Variants in SHKBP1 observed in about 807,000 individuals in gnomAD.
SHKBP1 encodes SH3KBP1-binding protein 1.
SHKBP1 carries 71 observed loss-of-function variants against 83.9 expected under a neutral mutation model. The ratio of observed to expected loss-of-function variants is 0.85; its 90% CI spans 0.70 to 1.03. The LOEUF (loss-of-function observed/expected upper bound fraction) is 1.03, where lower values mean the gene tolerates loss of function less well. Among genes scored for constraint, SHKBP1 ranks in the 50% least tolerant of loss-of-function variants. The pLI, the probability that SHKBP1 is intolerant of heterozygous loss-of-function variation, is 0.00. For missense variants in SHKBP1, 824 were observed against 982.4 expected, an observed-to-expected ratio of 0.84 and a Z score of 2.16; for synonymous variants, 371 against 398.0, an observed-to-expected ratio of 0.93 and a Z score of 0.81.
chr19:40,583,766 C>A, intron 12 of SHKBP1, 49 bp downstream of exon 12: 1 of 1,427,288 alleles, frequency 7.0e-7, no homozygotes, highest in Non-Finnish European at 9.9e-7. Flanking sequence ...CCAGCCCCAG[C>A]CCCAGCCTGC....
At chr19:40,577,087 G>GCCCC (rs35684786) in intron 1 of SHKBP1, 102 bp downstream of exon 1, 7 of 1,048,874 alleles carry the variant, frequency 6.7e-6, no homozygotes, top group Middle Eastern at 2.9e-4. Flanking sequence ...GGGTTGCTCC[G>GCCCC]CCCCCCCCCC....
Position 40,576,894 on chromosome 19 carries a change from G to T in SHKBP1, c.-6G>T. 6.9e-7 allele frequency: 1 copy of T among 1,455,562 alleles called. No homozygotes were observed. The allele number at this position is 1,455,562 out of a possible 1,614,324, so 90.2% of individuals were successfully genotyped here. ...GGGTGCGGGCCAGCCGGCTCGCCCG[G>T]GGGCCATGGCAGCAGCGGCTACTGC... is the stretch of plus-strand genomic sequence containing the variant. On this transcript the variant is annotated 5_prime_UTR_variant, in exon 1 of 18. Transcript: ENST00000291842.
intron 6 of SHKBP1, among the ~76,000 whole-genome samples, chr19:40,579,335 G>A (rs1568388274): frequency 1.3e-5 from 2 of 152,178 alleles, no homozygotes; most frequent in South Asian, 4.1e-4. Context: ...TAAATACAAA[G>A]TAAACATGAA....
chr19:40,588,600 TC>T (rs1266248816), intron 13 of SHKBP1, 23 bp from the exon 14 acceptor site: 35 of 1,613,866 alleles, frequency 2.2e-5, no homozygotes, highest in Non-Finnish European at 2.8e-5. Flanking sequence ...AGGCCTGACT[TC>T]CTGCTCTCCT....
Position 40,582,401 on chromosome 19 carries a change from C to T in SHKBP1, c.895C>T (p.Gln299Ter). 1.2e-6 allele frequency: 2 copies of T among 1,614,188 alleles called. No homozygotes were observed. The highest frequency in any genetic ancestry group is 1.7e-6 in the Non-Finnish European group (2 of 1,180,030). The change falls in exon 10 of 18, where the codon CAG becomes TAG. Residue 299 changes from glutamine (Q) to a stop codon, truncating the protein, a stop_gained. Coordinates refer to ENST00000291842, the MANE Select transcript of SHKBP1 (RefSeq NM_138392.4). LOFTEE classifies it high-confidence loss of function. ...PVEALFFVGNQLIATSHTGRI... is the reference protein window; with the variant it reads ...PVEALFFVGN The stretch of plus-strand genomic sequence containing the variant: ...GGAGGCCTTGTTCTTCGTCGGGAAC[C>T]AGCTCATTGCTACAAGCCACACAGG...
At chr19:40,588,814 A>T (rs745705061) in intron 14 of SHKBP1, 35 bp downstream of exon 14, 1 of 1,605,594 alleles carries the variant, frequency 6.2e-7, no homozygotes, top group Non-Finnish European at 8.5e-7. Context: ...CACCCCACTG[A>T]CCCCCTTACC....
At position 40,590,189 on chromosome 19, in the gene SHKBP1, G is replaced by A; in HGVS notation, c.1590-55G>A. The A allele has an allele frequency of 6.7e-7, 1 of 1,486,940 alleles. No homozygotes were observed. The highest frequency in any genetic ancestry group is 9.0e-7 in the Non-Finnish European group (1 of 1,115,006). 92.1% of individuals were successfully genotyped at this position (1,486,940 alleles called of 1,614,324 possible). ...ACTGCAGCCACAGTGGTGGGGACTG[G>A]GACGAGGAAGGGTGAGAAAGCGAGG... On this transcript the variant is annotated intron_variant, in intron 15 of 17. Coordinates refer to ENST00000291842, the MANE Select transcript of SHKBP1 (RefSeq NM_138392.4). This position sits in a 1 kb window ranked among gnomAD's most constrained non-coding sequence, Gnocchi z 4.6.
intron 12 of SHKBP1, among the ~76,000 whole-genome samples, chr19:40,586,526 C>G (rs1255616635): frequency 6.6e-6 from 1 of 152,090 alleles, no homozygotes; most frequent in African/African-American, 2.4e-5. Context: ...ACTACCACCA[C>G]CAGCTAATTT....
intron 4 of SHKBP1, 80 bp downstream of exon 4, chr19:40,577,710 G>C: frequency 6.8e-7 from 1 of 1,473,976 alleles, no homozygotes. Flanking sequence ...GAATGTCCAC[G>C]TGAGCTCCAT....
At chr19:40,587,033 G>T (rs549796858) in intron 13 of SHKBP1, 89 bp downstream of exon 13, 12 of 1,267,912 alleles carry the variant, frequency 9.5e-6, no homozygotes, top group African/African-American at 1.5e-5. Flanking sequence ...ACTGGGGAGG[G>T]ACATTGTGTA....
intron 13 of SHKBP1, 45 bp downstream of exon 13, chr19:40,586,989 A>C: frequency 6.6e-7 from 1 of 1,523,688 alleles, no homozygotes; most frequent in Non-Finnish European, 8.9e-7. Context: ...GACAGCTCAG[A>C]TGGGAGTGTG....
rs376777149 is a variant in SHKBP1, at chr19:40,588,818, C to A, written c.1492+39C>A. The A allele has an allele frequency of 1.7e-4, 270 of 1,604,568 alleles. 1 individual carries two copies. Among genetic ancestry groups the A allele is most frequent in the Non-Finnish European group, 2.2e-4 (259 of 1,178,062 alleles). ...CCTGGCCTTCCCACCCCACTGACCC[C>A]CTTACCTGACCCCTGTTGACCTCCG... On this transcript the variant is annotated intron_variant, in intron 14 of 17. Transcript: ENST00000291842.
At position 40,576,923 on chromosome 19, in the gene SHKBP1, C is replaced by G; in HGVS notation, c.24C>G (p.Ala8=). Residue 8 remains alanine (A), a synonymous_variant, in exon 1 of 18, where the codon GCC becomes GCG. Transcript: ENST00000291842. MAAAATA[A]EGVPSRGPPG... is the part of the protein sequence containing the mutation. ...CCATGGCAGCAGCGGCTACTGCAGC[C>G]GAGGGGGTCCCCAGTCGGGGGCCTC... The G allele has an allele frequency of 6.7e-7, 1 of 1,485,096 alleles. No homozygotes were observed. Among genetic ancestry groups the G allele is most frequent in the Non-Finnish European group, 8.9e-7 (1 of 1,122,384 alleles). 92.0% of individuals were successfully genotyped at this position (1,485,096 alleles called of 1,614,324 possible).
chr19:40,583,706 C>A lies in SHKBP1; in HGVS notation c.1154C>A (p.Thr385Asn). ...DGVTALSVYLTPKTSDSGNWI... is the reference protein window; with the variant it reads ...DGVTALSVYLNPKTSDSGNWI... ...GTCACCGCCCTCAGTGTCTACCTCA[C>A]CCCCAAGACCAGTAAGCTATGACCC... Residue 385 changes from threonine (T) to asparagine (N), a missense_variant, in exon 12 of 18, where the codon ACC (threonine) becomes AAC (asparagine). Thr to Asn is a moderately conservative substitution (Grantham distance 65). Around this residue, in one of 3 missense-constraint regions of SHKBP1, gnomAD observed 182 missense variants for 273.1 expected, o/e 0.67. Transcript: ENST00000291842. 1 of 1,613,320 alleles carries A rather than the reference C, an allele frequency of 6.2e-7. No individual in the cohort carries two copies. The highest frequency in any genetic ancestry group is 8.5e-7 in the Non-Finnish European group (1 of 1,179,302).
At chr19:40,582,265 G>T in intron 9 of SHKBP1, 86 bp from the exon 10 acceptor site, 1 of 1,053,946 alleles carries the variant, frequency 9.5e-7, no homozygotes, top group South Asian at 1.3e-5. Context: ...TGGTCCCACT[G>T]AACCCTCTGG....
At chr19:40,579,720 A>T (rs1247778120) in intron 6 of SHKBP1, among the ~76,000 whole-genome samples, 1 of 152,154 alleles carries the variant, frequency 6.6e-6, no homozygotes, top group Non-Finnish European at 1.5e-5. Context: ...CCAAGGGTGC[A>T]GTCTTCCATT....
chr19:40,589,082 G>T lies in SHKBP1; in HGVS notation c.1493G>T (p.Gly498Val). ...HGGCSAGNDI[G>V]PYGERDDQQV... The stretch of plus-strand genomic sequence containing the variant: ...TGACCCCTGCCCCTGCCTGGCCCAG[G>T]CCCCTACGGTGAGCGGGACGACCAG... The change falls in exon 15 of 18, where the codon GGC becomes GTC. Residue 498 changes from glycine (G) to valine (V), a missense_variant and splice_region_variant. By Grantham distance (109) the Gly-to-Val change is moderately radical. This residue lies in a region of SHKBP1 where 287 missense variants were observed against 322.9 expected (regional missense o/e 0.89). Coordinates refer to ENST00000291842, the MANE Select transcript of SHKBP1 (RefSeq NM_138392.4). 6.2e-7 allele frequency: 1 copy of T among 1,611,768 alleles called. No individual in the cohort carries two copies.
intron 12 of SHKBP1, 90 bp from the exon 13 acceptor site, chr19:40,586,684 G>GTTCT: frequency 7.9e-7 from 1 of 1,270,840 alleles, no homozygotes; most frequent in Non-Finnish European, 1.0e-6. Context: ...CTTTCTGACT[G>GTTCT]TGTCTCTGTT....
Position 40,586,847 on chromosome 19 carries a change from G to T in SHKBP1, c.1239G>T (p.Pro413=). The T allele has an allele frequency of 6.2e-7, 1 of 1,612,264 alleles. No individual in the cohort carries two copies. The highest frequency in any genetic ancestry group is 2.2e-5 in the East Asian group (1 of 44,810). Residue 413 remains proline, a synonymous_variant, in exon 13 of 18, where the codon CCG becomes CCT. Coordinates refer to ENST00000291842, the MANE Select transcript of SHKBP1 (RefSeq NM_138392.4). ...GCGTGCGGGTCATCGTGCAGCACCC[G>T]GAGACTGTGGGCTCGGGGCCTCAGC... ...SGGVRVIVQH[P]ETVGSGPQLF...
Sources: allele counts gnomAD v4.1 joint callset (sites outside exome capture counted in the v4.1 genomes callset), GRCh38; gene constraint gnomAD v4.1.1; regional missense constraint gnomAD v4.1.1; non-coding constraint Gnocchi (gnomAD v3.1); transcripts MANE v1.5; gene names NCBI Gene and HGNC (gene_info 2026-07-23, HGNC 2026-07-21).